The following MPP7 variants were observed in gnomAD, a reference collection of about 807,000 sequenced individuals.
The protein encoded by MPP7 is MAGUK p55 subfamily member 7.
MPP7 carries 60 observed loss-of-function variants against 76.5 expected under a neutral mutation model. That is an observed-to-expected ratio of 0.78 (90% CI 0.64 to 0.97). MPP7 has a LOEUF of 0.97. Ranked by LOEUF, MPP7 falls within the 50% of genes least tolerant of loss-of-function variation. MPP7 has a pLI of 0.00. For synonymous variants in MPP7, 237 were observed against 244.5 expected (o/e 0.97, Z 0.29); for missense variants, 641 against 694.0 (o/e 0.92, Z 0.86).
chr10:28,246,261 A>G (rs1167975818), intron 1 of MPP7, among the ~76,000 whole-genome samples: 2 of 152,208 alleles, frequency 1.3e-5, no homozygotes, highest in African/African-American at 4.8e-5. Flanking sequence ...TGAATTTCTC[A>G]GCAGAAATTT....
At chr10:28,328,458 A>G (rs901416596) in intron 2 of MPP7, among the ~76,000 whole-genome samples, 3 of 152,048 alleles carry the variant, frequency 2.0e-5, no homozygotes, top group Non-Finnish European at 2.9e-5. Context: ...TTAAGTTATG[A>G]GCTCTGGTAG....
intron 1 of MPP7, among the ~76,000 whole-genome samples, chr10:28,269,630 G>A (rs995610254): frequency 3.3e-5 from 5 of 150,580 alleles, no homozygotes; most frequent in African/African-American, 1.2e-4. Context: ...GGCCTCAAGT[G>A]ATCCTCCCAG....
At chr10:28,322,066 G>T (rs113209505) in intron 2 of MPP7, among the ~76,000 whole-genome samples, 1 of 150,804 alleles carries the variant, frequency 6.6e-6, no homozygotes, top group Non-Finnish European at 1.5e-5. Flanking sequence ...GATGCATTTT[G>T]TGCCACTTCA....
intron 5 of MPP7, among the ~76,000 whole-genome samples, chr10:28,145,252 T>C (rs1248330441): frequency 2.0e-5 from 3 of 152,200 alleles, no homozygotes; most frequent in African/African-American, 7.2e-5. Context: ...TTTGAAGATA[T>C]ATTTCAACTT....
At chr10:28,172,499 A>G (rs1339523552) in intron 3 of MPP7, among the ~76,000 whole-genome samples, 1 of 152,218 alleles carries the variant, frequency 6.6e-6, no homozygotes, top group Non-Finnish European at 1.5e-5. Context: ...TGGAAATATC[A>G]AGACTCTACT....
rs762801879 is a variant in MPP7 at position 28,089,848 on chromosome 10, A to C, written c.953-7T>G. On this transcript the variant is annotated splice_polypyrimidine_tract_variant and splice_region_variant and intron_variant, in intron 11 of 16. Transcript: ENST00000683449. ...AAACTTTTTCTAAAACCAGCTGCAA[A>C]TATTAAAATAAATATATTTTTAGTA... 2.9e-6 allele frequency: 4 copies of C among 1,371,752 alleles called. No individual in the cohort carries two copies. The Admixed American group carries it at 8.1e-5, about 28-fold the overall frequency. 85.0% of individuals were successfully genotyped at this position (1,371,752 alleles called of 1,614,324 possible).
chr10:28,290,938 T>C (rs1044909547), intron 1 of MPP7, among the ~76,000 whole-genome samples: 1 of 152,228 alleles, frequency 6.6e-6, no homozygotes, highest in African/African-American at 2.4e-5. Flanking sequence ...ATGGACAATA[T>C]AGAGTTGTAC....
intron 6 of MPP7, among the ~76,000 whole-genome samples, chr10:28,129,794 A>T (rs1343734402): frequency 6.6e-6 from 1 of 152,156 alleles, no homozygotes; most frequent in East Asian, 1.9e-4. Context: ...TCCTGATATA[A>T]ATCCCTTGGG....
At chr10:28,319,045 G>A (rs988628619) in intron 2 of MPP7, among the ~76,000 whole-genome samples, 4 of 152,290 alleles carry the variant, frequency 2.6e-5, no homozygotes, top group South Asian at 2.1e-4. Flanking sequence ...AATATATAAC[G>A]AAGAGTTTTA....
intron 2 of MPP7, among the ~76,000 whole-genome samples, chr10:28,218,143 C>T (rs1260057399): frequency 5.3e-5 from 8 of 152,116 alleles, no homozygotes; most frequent in African/African-American, 1.9e-4. Flanking sequence ...AACTTCAGAT[C>T]AGTAGGGAGG....
chr10:28,078,410 A>T (rs1387287938), intron 12 of MPP7, among the ~76,000 whole-genome samples: 2 of 152,246 alleles, frequency 1.3e-5, no homozygotes, highest in African/African-American at 4.8e-5. Context: ...GACACTGGGC[A>T]TATGTGTTGG....
intron 12 of MPP7, among the ~76,000 whole-genome samples, chr10:28,081,406 T>A (rs746834281): frequency 6.6e-6 from 1 of 152,234 alleles, no homozygotes; most frequent in Non-Finnish European, 1.5e-5. Context: ...AAGCCTGACA[T>A]TTGGTTTCAA....
At chr10:28,238,170 A>G (rs1298902078) in intron 2 of MPP7, among the ~76,000 whole-genome samples, 1 of 152,094 alleles carries the variant, frequency 6.6e-6, no homozygotes, top group Non-Finnish European at 1.5e-5. Context: ...TATTTCTTAA[A>G]GAAAAAAAAA....
In MPP7 at chr10:28,129,961, C is replaced by T. The variant is rs74129004; in HGVS notation, c.447+1599G>A. ...ATCTACTCACCAACAAACAGAATTT[C>T]ATTTTCAAGGGATCTTGCCCCTTAA... On this transcript the variant is annotated intron_variant, in intron 6 of 16. Coordinates refer to ENST00000683449, the MANE Select transcript of MPP7 (RefSeq NM_001318170.2). Among the ~76,000 whole-genome samples the T allele has an allele frequency of 6.5e-3, 984 of 152,260 alleles. 8 individuals carry two copies. The highest frequency in any genetic ancestry group is 0.022 in the African/African-American group (931 of 41,542).
At chr10:28,286,427 A>C (rs1840793535) in intron 1 of MPP7, among the ~76,000 whole-genome samples, 1 of 152,210 alleles carries the variant, frequency 6.6e-6, no homozygotes, top group Non-Finnish European at 1.5e-5. Flanking sequence ...GGAAAACTAC[A>C]GCACAGCTGA....
At chr10:28,215,977 A>C (rs955530367) in intron 2 of MPP7, among the ~76,000 whole-genome samples, 1 of 152,086 alleles carries the variant, frequency 6.6e-6, no homozygotes, top group African/African-American at 2.4e-5. Context: ...AAGCTTTCAC[A>C]ATAGGCAATA....
chr10:28,089,688 CTG>C lies in MPP7; in HGVS notation c.1104_1105del (p.Tyr368Ter). On this transcript the variant is annotated stop_gained and frameshift_variant, in exon 12 of 17. Coordinates refer to ENST00000683449, the MANE Select transcript of MPP7 (RefSeq NM_001318170.2). LOFTEE classifies it high-confidence loss of function. ...GCACTTACCAACCAAGACAACGAGTCTGTATTTTTCATTAGTTTGTCGCCGAT... is the reference window on the plus strand; with the variant it reads ...GCACTTACCAACCAAGACAACGAGTCTATTTTTCATTAGTTTGTCGCCGAT... The C allele has an allele frequency of 6.2e-7, 1 of 1,613,176 alleles. No homozygotes were observed. The highest frequency in any genetic ancestry group is 1.3e-5 in the African/African-American group (1 of 74,992).
At chr10:28,125,138 AG>A in intron 6 of MPP7, 47 bp from the exon 7 acceptor site, 1 of 1,481,918 alleles carries the variant, frequency 6.7e-7, no homozygotes, top group Non-Finnish European at 9.4e-7. Context: ...TGTGTGTACT[AG>A]GTGTTAGAAA....
chr10:28,166,002 G>A (rs916368303), intron 3 of MPP7, among the ~76,000 whole-genome samples: 5 of 119,938 alleles, frequency 4.2e-5, no homozygotes, highest in African/African-American at 9.3e-5. Flanking sequence ...TCCAGCCTGG[G>A]CAATAGAGCA....
Sources: allele counts gnomAD v4.1 joint callset (sites outside exome capture counted in the v4.1 genomes callset), GRCh38; gene constraint gnomAD v4.1.1; transcripts MANE v1.5; gene names NCBI Gene and HGNC (gene_info 2026-07-23, HGNC 2026-07-21).